FMN1: variants seen among roughly 807,000 people sequenced by gnomAD.
FMN1 encodes formin 1.
A neutral mutation model predicts 132.4 loss-of-function variants in FMN1; 110 were observed. The observed-to-expected ratio is 0.83, with a 90% CI of 0.71 to 0.97. The LOEUF is 0.97. Ranked by LOEUF, FMN1 falls within the 50% of genes least tolerant of loss-of-function variation. The pLI is 0.00. For missense variants in FMN1, 1,792 were observed against 1,705.3 expected (o/e 1.05, Z -0.90); for synonymous variants, 722 against 651.7 (o/e 1.11, Z -1.64).
At chr15:33,009,799 G>A (rs1277153128) in intron 6 of FMN1, among the ~76,000 whole-genome samples, 1 of 152,194 alleles carries the variant, frequency 6.6e-6, no homozygotes, top group Non-Finnish European at 1.5e-5. Flanking sequence ...TTTAATGGGT[G>A]AATGCATAAA....
At chr15:33,054,467 G>A (rs927064207) in intron 6 of FMN1, among the ~76,000 whole-genome samples, 1 of 151,840 alleles carries the variant, frequency 6.6e-6, no homozygotes, top group African/African-American at 2.4e-5. Flanking sequence ...GTGCCCTTCC[G>A]CAAAAAAACT....
rs141027353 is a variant in FMN1 at position 32,961,424 on chromosome 15, G to A, written c.3138+2683C>T. Among the ~76,000 whole-genome samples, 108 of 152,212 alleles carry A rather than the reference G, an allele frequency of 7.1e-4. 1 individual carries two copies. The highest frequency in any genetic ancestry group is 3.4e-3 in the Middle Eastern group (1 of 294). On this transcript the variant is annotated intron_variant, in intron 9 of 20. Coordinates refer to ENST00000616417, the MANE Select transcript of FMN1 (RefSeq NM_001277313.2). Reference sequence around the variant, plus strand: ...GCTAGGATTATAGGCATGAGCCACCGTACCCGGCCTGTAATCCTTTTTTAT... The same window carrying A: ...GCTAGGATTATAGGCATGAGCCACCATACCCGGCCTGTAATCCTTTTTTAT...
intron 16 of FMN1, 78 bp downstream of exon 16, chr15:32,888,093 CA>C: frequency 7.9e-7 from 1 of 1,273,492 alleles, no homozygotes; most frequent in Non-Finnish European, 1.1e-6. Flanking sequence ...CTCTATGAAC[CA>C]GACCTAAATA....
chr15:32,796,089 A>C (rs1196401914), intron 19 of FMN1, among the ~76,000 whole-genome samples: 1 of 152,214 alleles, frequency 6.6e-6, no homozygotes, highest in African/African-American at 2.4e-5. Flanking sequence ...TATGAGGGGA[A>C]GCTGTTATCT....
At chr15:33,190,271 AAAG>A (rs1233317262) in intron 2 of FMN1, among the ~76,000 whole-genome samples, 1 of 152,188 alleles carries the variant, frequency 6.6e-6, no homozygotes, top group Non-Finnish European at 1.5e-5. Flanking sequence ...TTGAAACTCT[AAAG>A]AAGAGATTTT....
chr15:32,822,645 T>C (rs1047123167), intron 17 of FMN1, among the ~76,000 whole-genome samples: 4 of 152,222 alleles, frequency 2.6e-5, no homozygotes, highest in Admixed American at 2.6e-4. Flanking sequence ...TATTTTTCAT[T>C]GCCTCTGTTG....
chr15:33,020,031 A>G (rs1596485938), intron 6 of FMN1, among the ~76,000 whole-genome samples: 1 of 152,020 alleles, frequency 6.6e-6, no homozygotes, highest in Non-Finnish European at 1.5e-5. Context: ...ACCTCTCACT[A>G]TGCTTTCTAG....
intron 6 of FMN1, among the ~76,000 whole-genome samples, chr15:33,056,252 G>T (rs1595367889): frequency 6.6e-6 from 1 of 152,318 alleles, no homozygotes; most frequent in African/African-American, 2.4e-5. Flanking sequence ...GTCCAAGGGT[G>T]TTCAGAGTAA....
chr15:32,928,103 T>C (rs116953255), intron 9 of FMN1, among the ~76,000 whole-genome samples: 2 of 152,174 alleles, frequency 1.3e-5, no homozygotes, highest in African/African-American at 2.4e-5. Context: ...ATTTTTTTCC[T>C]TTACCTGTTC....
chr15:32,962,834 C>A (rs2030737534), intron 9 of FMN1, among the ~76,000 whole-genome samples: 1 of 151,628 alleles, frequency 6.6e-6, no homozygotes, highest in Non-Finnish European at 1.5e-5. Flanking sequence ...ATTAAAAAGT[C>A]AGGAAACAAC....
In FMN1 at chr15:33,026,454, C is replaced by G. The variant is rs919188818; in HGVS notation, c.2162-18379G>C. Among the ~76,000 whole-genome samples the G allele has an allele frequency of 4.8e-5, 5 of 104,964 alleles. 1 individual carries two copies. The highest frequency in any genetic ancestry group is 2.4e-4 in the East Asian group (1 of 4,144). 68.9% of individuals were successfully genotyped at this position (104,964 alleles called of 152,430 possible). A position where few individuals can be genotyped will look rare whatever the true frequency, so the allele number is the denominator to read the frequency against. Reference sequence around the variant, plus strand: ...CACACACACACTTCTGTTTATAAGACTAGGTTTAGCCTTATAATCAGTGAG... The same window carrying G: ...CACACACACACTTCTGTTTATAAGAGTAGGTTTAGCCTTATAATCAGTGAG... On this transcript the variant is annotated intron_variant, in intron 6 of 20. Transcript: ENST00000616417.
rs2039067187 is a variant in FMN1 at position 33,095,905 on chromosome 15, A to C, written c.1868-6931T>G. ...CAAAATACTAAGCCCTGGATTATGAAATATATAATAAATGATTTTTTTAAA... is the reference window on the plus strand; with the variant it reads ...CAAAATACTAAGCCCTGGATTATGACATATATAATAAATGATTTTTTTAAA... On this transcript the variant is annotated intron_variant, in intron 4 of 20. Transcript: ENST00000616417. Among the ~76,000 whole-genome samples the C allele has an allele frequency of 1.3e-5, 2 of 152,100 alleles. 1 individual carries two copies. Among genetic ancestry groups the C allele is most frequent in the South Asian group, 4.2e-4 (2 of 4,818 alleles).
chr15:32,968,856 G>C lies in FMN1; in HGVS notation c.2845C>G (p.Pro949Ala). The stretch of plus-strand genomic sequence containing the variant: ...GGGGGAGGTGGGGGTGCAAGTCCTG[G>C]GGGTGGTGGAGCAGGAGGAGGCCCT... ...PGGPPPAPPP[P>A]GLAPPPPPGL... Residue 949 changes from proline to alanine, a missense_variant, in exon 8 of 21, where the codon CCA becomes GCA. Coordinates refer to ENST00000616417, the MANE Select transcript of FMN1 (RefSeq NM_001277313.2). The C allele has an allele frequency of 6.5e-7, 1 of 1,535,214 alleles. No homozygotes were observed. Among genetic ancestry groups the C allele is most frequent in the Non-Finnish European group, 9.0e-7 (1 of 1,115,474 alleles).
intron 9 of FMN1, among the ~76,000 whole-genome samples, chr15:32,960,314 A>G (rs2030366228): frequency 6.6e-6 from 1 of 152,136 alleles, no homozygotes; most frequent in South Asian, 2.1e-4. Flanking sequence ...CTATCAGGAG[A>G]ACAGAAAGGG....
chr15:32,849,134 T>C (rs28438385), intron 17 of FMN1, among the ~76,000 whole-genome samples: 115,128 of 149,968 alleles, frequency 0.77, 44,497 homozygotes, highest in Middle Eastern at 0.82. Flanking sequence ...CAGGCGCTTG[T>C]CACCACGCTC....
chr15:33,041,756 G>T (rs1178304666), intron 6 of FMN1, among the ~76,000 whole-genome samples: 1 of 152,056 alleles, frequency 6.6e-6, no homozygotes, highest in Non-Finnish European at 1.5e-5. Context: ...TGCATGATTG[G>T]CAGAAATATA....
chr15:33,088,066 T>C (rs543125675), intron 5 of FMN1, among the ~76,000 whole-genome samples: 4 of 151,784 alleles, frequency 2.6e-5, no homozygotes, highest in African/African-American at 9.7e-5. Context: ...AGGGAAAGGG[T>C]TGGGGGAAGC....
intron 6 of FMN1, among the ~76,000 whole-genome samples, chr15:33,053,931 T>C (rs543842574): frequency 2.6e-5 from 4 of 152,320 alleles, no homozygotes; most frequent in African/African-American, 7.2e-5. Context: ...GAGTTTTTAA[T>C]GTAGATTTCA....
chr15:33,124,294 G>A (rs1962844925), intron 4 of FMN1, among the ~76,000 whole-genome samples: 1 of 152,214 alleles, frequency 6.6e-6, no homozygotes, highest in South Asian at 2.1e-4. Flanking sequence ...AAAGTTCTGA[G>A]ACATAAAAGT....
Sources: gnomAD v4.1 joint callset for allele counts (sites outside exome capture counted in the v4.1 genomes callset) on GRCh38, gnomAD v4.1.1 for gene constraint, MANE v1.5 for transcripts, NCBI Gene and HGNC (gene_info 2026-07-23, HGNC 2026-07-21) for gene names.